Variants in PHACTR1 observed in about 807,000 individuals in gnomAD.
PHACTR1 encodes the protein phosphatase and actin regulator 1.
In PHACTR1, 16 loss-of-function variants were observed where a neutral mutation model predicts 69.2. The observed-to-expected ratio is 0.23, with a 90% CI of 0.16 to 0.35. The LOEUF (loss-of-function observed/expected upper bound fraction) is 0.35. Ranked by LOEUF, PHACTR1 falls within the 10% of genes least tolerant of loss-of-function variation. The pLI, the probability that PHACTR1 is intolerant of heterozygous loss-of-function variation, is 1.00. For missense variants in PHACTR1, 510 were observed against 734.7 expected, an observed-to-expected ratio of 0.69 and a Z score of 3.54; for synonymous variants, 312 against 284.5, an observed-to-expected ratio of 1.10 and a Z score of -0.97.
intron 4 of PHACTR1, among the ~76,000 whole-genome samples, chr6:12,909,534 C>T (rs1396784542): frequency 1.3e-5 from 2 of 152,214 alleles, no homozygotes; most frequent in Admixed American, 6.5e-5. Flanking sequence ...AAGGGCATGG[C>T]ATCGAGCCGG....
Position 12,749,291 on chromosome 6 carries a change from G to A in PHACTR1, c.104-353G>A, listed in dbSNP as rs151171008. The A allele has an allele frequency of 3.1e-3, 1,212 of 391,708 alleles. 2 individuals carry two copies. Among genetic ancestry groups the A allele is most frequent in the Admixed American group, 7.7e-3 (214 of 27,942 alleles). 24.3% of individuals were successfully genotyped at this position (391,708 alleles called of 1,614,324 possible). ...TCTGTGCCAAGGGCTGGAAACTGGG[G>A]CTGCAGGCGGGAGGCGGGGTGTCAG... On this transcript the variant is annotated intron_variant, in intron 3 of 14. Coordinates refer to ENST00000332995, the MANE Select transcript of PHACTR1 (RefSeq NM_030948.6).
intron 4 of PHACTR1, among the ~76,000 whole-genome samples, chr6:13,009,009 C>A (rs1799147578): frequency 1.3e-5 from 2 of 152,140 alleles, no homozygotes; most frequent in Non-Finnish European, 2.9e-5. Context: ...GAGTCTGTTC[C>A]TCCCCTTGCT....
intron 4 of PHACTR1, among the ~76,000 whole-genome samples, chr6:13,048,522 T>TTGTGTG (rs70989824): frequency 0.31 from 43,788 of 142,702 alleles, 6,778 homozygotes; most frequent in Non-Finnish European, 0.33. Context: ...TTCCATTTCT[T>TTGTGTG]TGTGTGTGTG....
intron 4 of PHACTR1, among the ~76,000 whole-genome samples, chr6:12,980,388 C>T (rs1795373303): frequency 6.6e-6 from 1 of 152,000 alleles, no homozygotes; most frequent in African/African-American, 2.4e-5. Flanking sequence ...CCCGCGTCAC[C>T]CTTCCAGACC....
At chr6:12,907,492 G>A (rs999162429) in intron 4 of PHACTR1, among the ~76,000 whole-genome samples, 2 of 152,196 alleles carry the variant, frequency 1.3e-5, no homozygotes, top group African/African-American at 2.4e-5. Context: ...CTCTAACAAG[G>A]TAGAACTACT....
At chr6:13,146,465 T>C (rs1823366181) in intron 5 of PHACTR1, among the ~76,000 whole-genome samples, 1 of 152,196 alleles carries the variant, frequency 6.6e-6, no homozygotes, top group Non-Finnish European at 1.5e-5. Flanking sequence ...TGATAAAAAG[T>C]CAAAGCAGTA....
At chr6:12,848,137 C>A (rs1302040482) in intron 4 of PHACTR1, among the ~76,000 whole-genome samples, 1 of 152,026 alleles carries the variant, frequency 6.6e-6, no homozygotes, top group African/African-American at 2.4e-5. Flanking sequence ...TTTCATTAAT[C>A]CATCCATAAC....
intron 7 of PHACTR1, among the ~76,000 whole-genome samples, chr6:13,192,320 T>C (rs1248542406): frequency 6.6e-6 from 1 of 152,094 alleles, no homozygotes; most frequent in East Asian, 1.9e-4. Flanking sequence ...TTTTGACAGG[T>C]AGGATTGGAG....
At chr6:12,986,789 G>A (rs1357164718) in intron 4 of PHACTR1, among the ~76,000 whole-genome samples, 1 of 152,170 alleles carries the variant, frequency 6.6e-6, no homozygotes, top group Non-Finnish European at 1.5e-5. Context: ...CGGTATTTGA[G>A]CAGTCCTTGA....
At chr6:12,873,229 C>A (rs1299095209) in intron 4 of PHACTR1, among the ~76,000 whole-genome samples, 5 of 151,900 alleles carry the variant, frequency 3.3e-5, no homozygotes, top group Non-Finnish European at 7.4e-5. Flanking sequence ...GTTGCCCAGG[C>A]TGGTCTCGAA....
chr6:12,934,828 C>T (rs1290519393), intron 4 of PHACTR1, among the ~76,000 whole-genome samples: 1 of 151,048 alleles, frequency 6.6e-6, no homozygotes, highest in Non-Finnish European at 1.5e-5. Context: ...AGAATGAGAT[C>T]CTCTCTCAAA....
chr6:12,739,676 C>A (rs759978150), intron 3 of PHACTR1, among the ~76,000 whole-genome samples: 4 of 152,070 alleles, frequency 2.6e-5, no homozygotes, highest in Non-Finnish European at 5.9e-5. Flanking sequence ...GTAACTTGAC[C>A]ACAGGCACGT....
At chr6:12,826,021 G>C (rs1383996612) in intron 4 of PHACTR1, among the ~76,000 whole-genome samples, 2 of 152,208 alleles carry the variant, frequency 1.3e-5, no homozygotes, top group Non-Finnish European at 2.9e-5. Context: ...TAGATTGGGA[G>C]TGTTTCTCAG....
In PHACTR1 at chr6:13,154,129, GGAC is replaced by G. The variant is rs567697795; in HGVS notation, c.416-6074_416-6072del. Among the ~76,000 whole-genome samples the G allele has an allele frequency of 2.7e-3, 414 of 152,104 alleles. 1 individual carries two copies. The highest frequency in any genetic ancestry group is 3.3e-3 in the East Asian group (17 of 5,184). On this transcript the variant is annotated intron_variant, in intron 5 of 14. Transcript: ENST00000332995. Reference sequence around the variant, plus strand: ...TTTACACTGAAGCATCCCCTCGTGTGGACACTTGGATTTTATACTGCCCTGTAT... The same window carrying G: ...TTTACACTGAAGCATCCCCTCGTGTGACTTGGATTTTATACTGCCCTGTAT...
chr6:12,809,188 A>G (rs1774736905), intron 4 of PHACTR1, among the ~76,000 whole-genome samples: 1 of 152,138 alleles, frequency 6.6e-6, no homozygotes, highest in Non-Finnish European at 1.5e-5. Context: ...ATGCCCAGCC[A>G]TCTACTGTCT....
intron 4 of PHACTR1, among the ~76,000 whole-genome samples, chr6:12,904,702 AC>A (rs1785543055): frequency 6.6e-6 from 1 of 151,736 alleles, no homozygotes; most frequent in Non-Finnish European, 1.5e-5. Flanking sequence ...CCAGCTACAT[AC>A]CCCGAGGCAC....
At chr6:12,976,754 C>T (rs1235341560) in intron 4 of PHACTR1, among the ~76,000 whole-genome samples, 3 of 152,206 alleles carry the variant, frequency 2.0e-5, no homozygotes, top group African/African-American at 7.2e-5. Context: ...ATGCTTCCCA[C>T]CTGTGAGCCA....
intron 4 of PHACTR1, among the ~76,000 whole-genome samples, chr6:12,807,353 C>T (rs1183016082): frequency 6.6e-6 from 1 of 151,898 alleles, no homozygotes; most frequent in Non-Finnish European, 1.5e-5. Context: ...TTAATTATTC[C>T]ATTTTCTTTT....
intron 4 of PHACTR1, among the ~76,000 whole-genome samples, chr6:12,898,866 G>T (rs1004273711): frequency 6.6e-6 from 1 of 152,072 alleles, no homozygotes; most frequent in African/African-American, 2.4e-5. Context: ...CCCCTGCACC[G>T]CACTGCAGCC....
Sources: gnomAD v4.1 joint callset for allele counts (sites outside exome capture counted in the v4.1 genomes callset) on GRCh38, gnomAD v4.1.1 for gene constraint, MANE v1.5 for transcripts, NCBI Gene and HGNC (gene_info 2026-07-23, HGNC 2026-07-21) for gene names.